GALNT13: variants seen among roughly 807,000 people sequenced by gnomAD.
The protein encoded by GALNT13 is polypeptide N-acetylgalactosaminyltransferase 13.
In GALNT13, 28 loss-of-function variants were observed where a neutral mutation model predicts 64.2. The observed-to-expected ratio is 0.44, with a 90% confidence interval of 0.32 to 0.60. The LOEUF (loss-of-function observed/expected upper bound fraction) is 0.60, where lower values mean the gene tolerates loss of function less well. GALNT13 is among the 20% of genes least tolerant of loss of function. GALNT13 has a pLI of 0.05. For missense variants in GALNT13, 577 were observed against 669.8 expected (o/e 0.86, Z 1.53); for synonymous variants, 214 against 224.6 (o/e 0.95, Z 0.42).
intron 3 of GALNT13, among the ~76,000 whole-genome samples, chr2:154,045,078 A>G (rs1337999752): frequency 6.6e-6 from 1 of 152,186 alleles, no homozygotes; most frequent in East Asian, 1.9e-4. Context: ...TGAACTCAGC[A>G]TGTGCTGGAA....
intron 4 of GALNT13, among the ~76,000 whole-genome samples, chr2:154,151,388 GA>G (rs1292874553): frequency 2.0e-5 from 3 of 152,224 alleles, no homozygotes; most frequent in South Asian, 4.2e-4. Flanking sequence ...GTGCAGTGCT[GA>G]AAAAAATGTA....
the GALNT13 span, among the ~76,000 whole-genome samples, chr2:153,844,234 G>A: frequency 6.6e-6 from 1 of 152,138 alleles, no homozygotes; most frequent in Non-Finnish European, 1.5e-5. Flanking sequence ...CATACATCCT[G>A]TAAAATCTAG....
At chr2:154,223,586 G>T (rs566488984) in intron 4 of GALNT13, among the ~76,000 whole-genome samples, 2 of 151,200 alleles carry the variant, frequency 1.3e-5, no homozygotes, top group East Asian at 3.9e-4. Flanking sequence ...TGAGTAGCAG[G>T]GATTACAGAT....
chr2:153,319,586 C>T, the GALNT13 span, among the ~76,000 whole-genome samples: 71 of 152,214 alleles, frequency 4.7e-4, no homozygotes, highest in African/African-American at 1.6e-3. Flanking sequence ...GCCATGTTCA[C>T]ATTTATTAAG....
At chr2:153,391,152 C>T in the GALNT13 span, among the ~76,000 whole-genome samples, 9 of 151,878 alleles carry the variant, frequency 5.9e-5, no homozygotes, top group Admixed American at 5.3e-4. Context: ...GTTTTAAGAA[C>T]GTGGGCTTTT....
chr2:153,904,242 CTT>C (rs1416743621), intron 2 of GALNT13, among the ~76,000 whole-genome samples: 1 of 151,802 alleles, frequency 6.6e-6, no homozygotes, highest in Admixed American at 6.6e-5. Context: ...CATTTGTGCT[CTT>C]TCTAGGTTTG....
At chr2:153,383,315 G>A in the GALNT13 span, among the ~76,000 whole-genome samples, 1 of 152,028 alleles carries the variant, frequency 6.6e-6, no homozygotes, top group Non-Finnish European at 1.5e-5. Context: ...ACATAGCATG[G>A]AGTTAACAAT....
At chr2:154,399,297 T>G (rs1214004056) in intron 10 of GALNT13, among the ~76,000 whole-genome samples, 1 of 152,100 alleles carries the variant, frequency 6.6e-6, no homozygotes, top group Non-Finnish European at 1.5e-5. Context: ...CTTAGTCCAT[T>G]AGGGCTGCTA....
the GALNT13 span, among the ~76,000 whole-genome samples, chr2:153,631,430 G>A: frequency 3.9e-5 from 6 of 152,290 alleles, no homozygotes; most frequent in Admixed American, 3.9e-4. Context: ...CCTATCAACA[G>A]TGTAAAGGTG....
At chr2:153,922,427 TC>T (rs1410053959) in intron 2 of GALNT13, among the ~76,000 whole-genome samples, 1 of 152,210 alleles carries the variant, frequency 6.6e-6, no homozygotes, top group Non-Finnish European at 1.5e-5. Flanking sequence ...GATCTTTTGA[TC>T]TTGAAGCTTT....
At chr2:153,294,771 T>C in the GALNT13 span, among the ~76,000 whole-genome samples, 1 of 152,178 alleles carries the variant, frequency 6.6e-6, no homozygotes, top group Admixed American at 6.5e-5. Flanking sequence ...TTGTTTTCAA[T>C]TTATTGAAAA....
intron 12 of GALNT13, among the ~76,000 whole-genome samples, chr2:154,439,884 T>G (rs953049745): frequency 1.3e-5 from 2 of 152,168 alleles, no homozygotes; most frequent in Non-Finnish European, 2.9e-5. Context: ...CTTCCTATGT[T>G]GTACCAGTGT....
chr2:154,037,259 A>G (rs1698713178), intron 3 of GALNT13, among the ~76,000 whole-genome samples: 1 of 152,152 alleles, frequency 6.6e-6, no homozygotes, highest in Non-Finnish European at 1.5e-5. Flanking sequence ...CTTCTTAAAT[A>G]TATTGCCTTG....
chr2:154,041,840 T>G (rs568240271), intron 3 of GALNT13, among the ~76,000 whole-genome samples: 1 of 140,560 alleles, frequency 7.1e-6, no homozygotes, highest in Non-Finnish European at 1.6e-5. Context: ...TGATATCATT[T>G]ACAAGTATAG....
At chr2:154,145,042 A>G (rs939887525) in intron 4 of GALNT13, among the ~76,000 whole-genome samples, 29 of 104,218 alleles carry the variant, frequency 2.8e-4, no homozygotes, top group Non-Finnish European at 3.8e-4. Context: ...TGGGATATTT[A>G]TGTAGTTCTC....
the GALNT13 span, among the ~76,000 whole-genome samples, chr2:153,700,201 T>C: frequency 2.6e-5 from 4 of 152,234 alleles, no homozygotes; most frequent in African/African-American, 7.2e-5. Flanking sequence ...TATGCAAATC[T>C]ATAAATGTAA....
At chr2:154,255,431 G>A (rs1690318850) in intron 7 of GALNT13, among the ~76,000 whole-genome samples, 1 of 152,102 alleles carries the variant, frequency 6.6e-6, no homozygotes, top group South Asian at 2.1e-4. Flanking sequence ...TTTTGGTTTA[G>A]GATAGAACTT....
intron 1 of GALNT13, among the ~76,000 whole-genome samples, chr2:153,876,883 G>A (rs1344419742): frequency 6.6e-6 from 1 of 152,094 alleles, no homozygotes; most frequent in Non-Finnish European, 1.5e-5. Context: ...TGGGAGACAT[G>A]CTTTTCCTTT....
intron 10 of GALNT13, among the ~76,000 whole-genome samples, chr2:154,396,709 C>A (rs1022046869): frequency 6.6e-6 from 1 of 151,938 alleles, no homozygotes; most frequent in Non-Finnish European, 1.5e-5. Flanking sequence ...CAGTCTATTA[C>A]AATAGCCTCT....
Sources: gnomAD v4.1 joint callset for allele counts (sites outside exome capture counted in the v4.1 genomes callset) on GRCh38, gnomAD v4.1.1 for gene constraint, MANE v1.5 for transcripts, NCBI Gene and HGNC (gene_info 2026-07-23, HGNC 2026-07-21) for gene names.